FGD3: variants seen among roughly 807,000 people sequenced by gnomAD.
FGD3 encodes FYVE, RhoGEF and PH domain containing 3, also known as FYVE, RhoGEF and PH domain-containing protein 3.
In FGD3, 45 loss-of-function variants were observed where a neutral mutation model predicts 71.8. The ratio of observed to expected loss-of-function variants is 0.63; its 90% CI spans 0.49 to 0.80. The LOEUF (loss-of-function observed/expected upper bound fraction) is 0.80. Ranked by LOEUF, FGD3 falls within the 30% of genes least tolerant of loss-of-function variation. FGD3 has a pLI of 0.00. For synonymous variants in FGD3, 378 were observed against 392.8 expected (o/e 0.96, Z 0.44); for missense variants, 844 against 951.5 (o/e 0.89, Z 1.49).
At chr9:92,974,312 G>C (rs1341174935) in intron 1 of FGD3, among the ~76,000 whole-genome samples, 1 of 152,226 alleles carries the variant, frequency 6.6e-6, no homozygotes, top group Non-Finnish European at 1.5e-5. Context: ...TATCTCTTGT[G>C]CTATGAGAAG....
intron 11 of FGD3, among the ~76,000 whole-genome samples, chr9:93,018,882 C>T (rs1041541996): frequency 2.6e-5 from 4 of 151,956 alleles, no homozygotes; most frequent in East Asian, 1.9e-4. Context: ...GACGGAGTTT[C>T]GCTCCCAGGC....
chr9:93,035,249 A>G lies in FGD3; in HGVS notation c.1927-89A>G, dbSNP rs558713609. On this transcript the variant is annotated intron_variant, in intron 17 of 17. Transcript: ENST00000375482. ...CTGCCTTGCGTTGCAAGGGTCTGGG[A>G]GTGGCCTCCTGGGAGAGGCCCCCAT... is the stretch of plus-strand genomic sequence containing the variant. The G allele has an allele frequency of 2.1e-5, 32 of 1,512,784 alleles. No homozygotes were observed. In the South Asian group the frequency reaches 3.7e-4, roughly 18 times the overall value. 93.7% of individuals were successfully genotyped at this position (1,512,784 alleles called of 1,614,324 possible).
intron 17 of FGD3, 105 bp from the exon 18 acceptor site, chr9:93,035,233 G>A (rs906015602): frequency 4.1e-6 from 6 of 1,458,516 alleles, no homozygotes; most frequent in African/African-American, 1.4e-5. Context: ...CCTGCCTTGC[G>A]TTGCAAGGGT....
chr9:93,031,109 T>C (rs1554740967), intron 15 of FGD3, among the ~76,000 whole-genome samples: 1 of 151,722 alleles, frequency 6.6e-6, no homozygotes, highest in Admixed American at 6.6e-5. Flanking sequence ...GATGGATGGA[T>C]GGATGATGGA....
chr9:92,958,146 G>T (rs755410587), intron 1 of FGD3, among the ~76,000 whole-genome samples: 1 of 151,708 alleles, frequency 6.6e-6, no homozygotes, highest in South Asian at 2.1e-4. Context: ...TTACAGGTGC[G>T]CACCACCATG....
intron 3 of FGD3, among the ~76,000 whole-genome samples, chr9:92,991,065 A>G (rs1179838221): frequency 6.6e-6 from 1 of 151,058 alleles, no homozygotes; most frequent in Admixed American, 6.6e-5. Flanking sequence ...TTGTTTGGAG[A>G]TTTGTTTGTT....
In FGD3 at chr9:92,969,368, C is replaced by T. The variant is rs1379156693; in HGVS notation, c.-217-5870C>T. Among the ~76,000 whole-genome samples, 1 of 152,250 alleles carries T rather than the reference C, an allele frequency of 6.6e-6. No homozygotes were observed. Among genetic ancestry groups the T allele is most frequent in the African/African-American group, 2.4e-5 (1 of 41,474 alleles). On this transcript the variant is annotated intron_variant, in intron 1 of 17. Coordinates refer to ENST00000375482, the MANE Select transcript of FGD3 (RefSeq NM_001083536.2). This position sits in a 1 kb window ranked among gnomAD's most constrained non-coding sequence, Gnocchi z 4.5. ...TGAGAGCCCAGAGCTGTCTTCCCTC[C>T]TGACCTGGCCTCCCACATGCTGCCC...
chr9:93,033,236 C>T, intron 16 of FGD3: 2 of 361,320 alleles, frequency 5.5e-6, no homozygotes, highest in South Asian at 4.3e-5. Context: ...GCCTGCCTCA[C>T]CTCCAGCTGT....
intron 12 of FGD3, 31 bp from the exon 13 acceptor site, chr9:93,020,286 A>G (rs1460098417): frequency 1.3e-6 from 2 of 1,588,306 alleles, no homozygotes; most frequent in Non-Finnish European, 1.7e-6. Flanking sequence ...ATGCCCCTTT[A>G]TAGTCCTCAC....
intron 3 of FGD3, among the ~76,000 whole-genome samples, chr9:92,979,704 T>C (rs914965980): frequency 1.3e-5 from 2 of 152,212 alleles, no homozygotes. Flanking sequence ...AAAATGTTTA[T>C]AGAATCCATC....
intron 7 of FGD3, among the ~76,000 whole-genome samples, chr9:93,010,660 G>A (rs1861295969): frequency 8.8e-6 from 1 of 114,014 alleles, no homozygotes; most frequent in Non-Finnish European, 1.8e-5. Context: ...GAGGGGGAGA[G>A]AGAGGGATGG....
At chr9:93,007,151 C>T (rs747324823) in intron 6 of FGD3, among the ~76,000 whole-genome samples, 23 of 151,860 alleles carry the variant, frequency 1.5e-4, no homozygotes, top group African/African-American at 3.9e-4. Context: ...AGTGCAGTGG[C>T]GCGATCTCAG....
chr9:92,965,575 C>T (rs184793144), intron 1 of FGD3, among the ~76,000 whole-genome samples: 1 of 152,342 alleles, frequency 6.6e-6, no homozygotes, highest in Non-Finnish European at 1.5e-5. Context: ...AAACCAGCAC[C>T]ATGCAGTGTG....
At chr9:93,015,030 C>T (rs542954081) in intron 9 of FGD3, among the ~76,000 whole-genome samples, 12 of 147,504 alleles carry the variant, frequency 8.1e-5, no homozygotes, top group Non-Finnish European at 1.8e-4. Flanking sequence ...CCATGGATCT[C>T]TTCTCTGTTT....
At position 92,994,145 on chromosome 9, in the gene FGD3, A is replaced by G. The variant is rs1267924499; in HGVS notation, c.454-8780A>G. On this transcript the variant is annotated intron_variant, in intron 3 of 17. Transcript: ENST00000375482. ...AGCACCTGTTCTTTCCTGACTTTTT[A>G]ATGATTGCCATTCTAACTGGTGTTA... Among the ~76,000 whole-genome samples the G allele has an allele frequency of 2.6e-5, 4 of 152,044 alleles. No individual in the cohort carries two copies. In the East Asian group the frequency reaches 7.7e-4, roughly 29 times the overall value.
Position 93,004,066 on chromosome 9 carries a change from C to T in FGD3, c.609C>T (p.Asn203=). 1.2e-6 allele frequency: 2 copies of T among 1,614,228 alleles called. No individual in the cohort carries two copies. Among genetic ancestry groups the T allele is most frequent in the South Asian group, 1.1e-5 (1 of 91,086 alleles). Reference sequence around the variant, plus strand: ...AAGTCATCATGGGCATATTCTCTAACATCTCCTCCATCCACCGCTTCCACG... The same window carrying T: ...AAGTCATCATGGGCATATTCTCTAATATCTCCTCCATCCACCGCTTCCACG... ...PPEVIMGIFS[N]ISSIHRFHGQ... is the part of the protein sequence containing the mutation. The change falls in exon 5 of 18, where the codon AAC becomes AAT. Residue 203 remains asparagine (N), a synonymous_variant. Coordinates refer to ENST00000375482, the MANE Select transcript of FGD3 (RefSeq NM_001083536.2).
intron 10 of FGD3, among the ~76,000 whole-genome samples, chr9:93,016,424 A>C (rs1587859759): frequency 7.8e-6 from 1 of 128,850 alleles, no homozygotes. Flanking sequence ...TGCAACCTCC[A>C]CCTCCTGGGT....
At chr9:93,009,291 T>C (rs937854558) in intron 6 of FGD3, among the ~76,000 whole-genome samples, 2 of 152,036 alleles carry the variant, frequency 1.3e-5, no homozygotes, top group African/African-American at 4.8e-5. Context: ...TGTAGGGAGA[T>C]ACTTGGAGAT....
At chr9:92,963,290 T>C (rs1282610171) in intron 1 of FGD3, among the ~76,000 whole-genome samples, 4 of 152,118 alleles carry the variant, frequency 2.6e-5, no homozygotes, top group Non-Finnish European at 5.9e-5. Context: ...AAATTGCTTT[T>C]ATTTATTTAT....
Sources: gnomAD v4.1 joint callset for allele counts (sites outside exome capture counted in the v4.1 genomes callset) on GRCh38, gnomAD v4.1.1 for gene constraint, Gnocchi (gnomAD v3.1) non-coding constraint, MANE v1.5 for transcripts, NCBI Gene and HGNC (gene_info 2026-07-23, HGNC 2026-07-21) for gene names.